Variants in BIRC6 observed in about 807,000 individuals in gnomAD.
BIRC6 encodes dual E2 ubiquitin-conjugating enzyme/E3 ubiquitin-protein ligase BIRC6.
A neutral mutation model predicts 503.3 loss-of-function variants in BIRC6; 98 were observed. That is an observed-to-expected ratio of 0.19 (90% CI 0.17 to 0.23). The LOEUF (loss-of-function observed/expected upper bound fraction) is 0.23, where lower values mean the gene tolerates loss of function less well. BIRC6 is among the 10% of genes least tolerant of loss of function. The pLI, the probability that BIRC6 is intolerant of heterozygous loss-of-function variation, is 1.00. For synonymous variants in BIRC6, 2,240 were observed against 2,078.7 expected, an observed-to-expected ratio of 1.08 and a Z score of -2.11; for missense variants, 5,360 against 5,806.0, an observed-to-expected ratio of 0.92 and a Z score of 2.50.
At chr2:32,539,299 G>T (rs1167068089) in intron 61 of BIRC6, among the ~76,000 whole-genome samples, 1 of 152,184 alleles carries the variant, frequency 6.6e-6, no homozygotes, top group East Asian at 1.9e-4. Context: ...ATGAAACAAA[G>T]TGAGGAAGTA....
chr2:32,451,006 G>C (rs1021434434), intron 22 of BIRC6, among the ~76,000 whole-genome samples: 1 of 152,122 alleles, frequency 6.6e-6, no homozygotes, highest in South Asian at 2.1e-4. Flanking sequence ...AGAGAGCTGA[G>C]TGTATGTCAA....
chr2:32,592,175 A>G (rs1292080639), intron 66 of BIRC6, among the ~76,000 whole-genome samples: 1 of 152,198 alleles, frequency 6.6e-6, no homozygotes, highest in Admixed American at 6.5e-5. Flanking sequence ...ACGACAGTTG[A>G]TGACTGAAAT....
chr2:32,507,820 G>A (rs558250323), intron 50 of BIRC6, among the ~76,000 whole-genome samples, 160 bp from the exon 51 acceptor site: 1 of 152,094 alleles, frequency 6.6e-6, no homozygotes, highest in African/African-American at 2.4e-5. Context: ...ATTAATTATG[G>A]TGAAAGTCAT....
chr2:32,521,320 C>G (rs531057656), intron 57 of BIRC6, among the ~76,000 whole-genome samples: 1 of 120,978 alleles, frequency 8.3e-6, no homozygotes, highest in East Asian at 2.4e-4. Context: ...ATTACTTGAG[C>G]CCATGAGTTC....
chr2:32,483,281 AT>A (rs763568589), intron 39 of BIRC6, among the ~76,000 whole-genome samples: 2 of 152,080 alleles, frequency 1.3e-5, no homozygotes, highest in Non-Finnish European at 2.9e-5. Context: ...AATAAAATAC[AT>A]TTTTTCCCTT....
intron 65 of BIRC6, among the ~76,000 whole-genome samples, chr2:32,552,334 T>G (rs2058483237): frequency 6.6e-6 from 1 of 152,202 alleles, no homozygotes; most frequent in Non-Finnish European, 1.5e-5. Flanking sequence ...ATTAATGAGT[T>G]TACTATGTAG....
In BIRC6 at chr2:32,465,121, A is replaced by G. The variant is rs35682129; in HGVS notation, c.5313A>G (p.Gln1771=). 0.074 allele frequency: 119,233 copies of G among 1,602,818 alleles called. 4,901 individuals are homozygous for G. Among genetic ancestry groups the G allele is most frequent in the East Asian group, 0.15 (6,485 of 44,496 alleles). ...LAISHASHFL[Q]PPPHQSIIIE... ...TTTCTCATGCTTCACATTTTCTTCA[A>G]CCTCCGCCTCACCAGTCCATTATTA... Residue 1771 remains glutamine (Q), a synonymous_variant, in exon 26 of 74, where the codon CAA becomes CAG. Coordinates refer to ENST00000421745, the MANE Select transcript of BIRC6 (RefSeq NM_016252.4).
chr2:32,448,544 G>T (rs186959300), intron 21 of BIRC6, among the ~76,000 whole-genome samples: 3 of 152,122 alleles, frequency 2.0e-5, no homozygotes, highest in Admixed American at 6.5e-5. Flanking sequence ...GCAGGCACTC[G>T]GCAGGCTGAG....
At chr2:32,464,907 A>G (rs575172249) in intron 25 of BIRC6, 84 bp downstream of exon 25, 116 of 1,479,234 alleles carry the variant, frequency 7.8e-5, no homozygotes, top group Non-Finnish European at 1.0e-4. Context: ...CAAAATTTTT[A>G]ATACCAACTA....
intron 22 of BIRC6, among the ~76,000 whole-genome samples, chr2:32,452,088 C>G (rs2046791169): frequency 6.6e-6 from 1 of 152,056 alleles, no homozygotes; most frequent in Non-Finnish European, 1.5e-5. Context: ...AAGAAATTAC[C>G]ACTTGTCAAG....
chr2:32,481,941 A>G (rs1489961949), intron 38 of BIRC6, among the ~76,000 whole-genome samples: 1 of 152,216 alleles, frequency 6.6e-6, no homozygotes, highest in Non-Finnish European at 1.5e-5. Flanking sequence ...AAAACAATCA[A>G]TGGAATAGTA....
At chr2:32,522,632 A>G (rs1444705093) in intron 57 of BIRC6, 2 of 152,310 alleles carry the variant, frequency 1.3e-5, no homozygotes, top group East Asian at 3.9e-4. Flanking sequence ...ATGCAGTTCT[A>G]AATCCCATTT....
Position 32,429,241 on chromosome 2 carries a change from C to G in BIRC6, c.2968C>G (p.Pro990Ala). Residue 990 changes from proline (P) to alanine (A), a missense_variant, in exon 11 of 74, where the codon CCA (proline) becomes GCA (alanine). Physicochemically the swap from Pro to Ala is conservative, Grantham distance 27. Around this residue, in one of 16 missense-constraint regions of BIRC6, gnomAD observed 700 missense variants for 739.3 expected, o/e 0.95. Transcript: ENST00000421745. Reference sequence around the variant, plus strand: ...TGGATCTCTTTCTAAAGGAATAGAACCATCTTCAGAAGGTTCCAAACCTTT... The same window carrying G: ...TGGATCTCTTTCTAAAGGAATAGAAGCATCTTCAGAAGGTTCCAAACCTTT... ...VDGSLSKGIEPSSEGSKPLSN... is the reference protein window; with the variant it reads ...VDGSLSKGIEASSEGSKPLSN... 1 of 1,556,484 alleles carries G rather than the reference C, an allele frequency of 6.4e-7. No homozygotes were observed. Among genetic ancestry groups the G allele is most frequent in the Non-Finnish European group, 8.7e-7 (1 of 1,148,948 alleles).
rs552486554 is a variant in BIRC6, at chr2:32,459,148, C to T, written c.4754-4046C>T. Among the ~76,000 whole-genome samples, 4 of 152,240 alleles carry T rather than the reference C, an allele frequency of 2.6e-5. 1 individual carries two copies. In the South Asian group the frequency reaches 8.3e-4, roughly 32 times the overall value. On this transcript the variant is annotated intron_variant, in intron 23 of 73. Coordinates refer to ENST00000421745, the MANE Select transcript of BIRC6 (RefSeq NM_016252.4). ...TTATCACCACTATCTAATTCTAGAA[C>T]ATTTCCATCACTACAGGAAGAAACT... is the stretch of plus-strand genomic sequence containing the variant.
intron 65 of BIRC6, among the ~76,000 whole-genome samples, chr2:32,572,129 C>T (rs945263797): frequency 2.6e-5 from 4 of 152,082 alleles, no homozygotes; most frequent in Non-Finnish European, 4.4e-5. Context: ...TGTTAAGACT[C>T]CTTTTATGGA....
intron 33 of BIRC6, among the ~76,000 whole-genome samples, chr2:32,474,856 G>A (rs1227569232): frequency 1.3e-5 from 2 of 152,026 alleles, no homozygotes; most frequent in Non-Finnish European, 2.9e-5. Flanking sequence ...TTTTAATTTA[G>A]GATAGAGTTT....
chr2:32,505,423 A>G lies in BIRC6; in HGVS notation c.9700+218A>G, dbSNP rs1489524979. The G allele has an allele frequency of 8.0e-6, 4 of 502,526 alleles. No individual in the cohort carries two copies. In the Admixed American group the frequency reaches 9.7e-5, roughly 12 times the overall value. The allele number at this position is 502,526 out of a possible 1,614,324, so 31.1% of individuals were successfully genotyped here. Reference sequence around the variant, plus strand: ...AAGATTATGTAATGAAGTCTAAACAAATATGTTCCAGTTATATATTATTTC... The same window carrying G: ...AAGATTATGTAATGAAGTCTAAACAGATATGTTCCAGTTATATATTATTTC... On this transcript the variant is annotated intron_variant, in intron 50 of 73. Coordinates refer to ENST00000421745, the MANE Select transcript of BIRC6 (RefSeq NM_016252.4).
At chr2:32,369,924 CTTAAA>C in intron 1 of BIRC6, among the ~76,000 whole-genome samples, 1 of 22,690 alleles carries the variant, frequency 4.4e-5, no homozygotes, top group South Asian at 2.0e-3. Context: ...GACCCTGTCT[CTTAAA>C]AAAAAAAAAA....
chr2:32,378,234 TC>T (rs1230616023), intron 2 of BIRC6, among the ~76,000 whole-genome samples: 7 of 152,042 alleles, frequency 4.6e-5, no homozygotes, highest in Non-Finnish European at 1.0e-4. Context: ...CCTTTCCCTG[TC>T]CCTTAACCCC....
Sources: allele counts gnomAD v4.1 joint callset (sites outside exome capture counted in the v4.1 genomes callset), GRCh38; gene constraint gnomAD v4.1.1; regional missense constraint gnomAD v4.1.1; transcripts MANE v1.5; gene names NCBI Gene and HGNC (gene_info 2026-07-23, HGNC 2026-07-21).